ZNF536: variants seen among roughly 807,000 people sequenced by gnomAD.
ZNF536 encodes the protein zinc finger protein 536.
A neutral mutation model predicts 84.5 loss-of-function variants in ZNF536; 13 were observed. The ratio of observed to expected loss-of-function variants is 0.15; its 90% CI spans 0.10 to 0.24. The LOEUF is 0.24. ZNF536 is among the 10% of genes least tolerant of loss of function. ZNF536 has a pLI of 1.00. For synonymous variants in ZNF536, 811 were observed against 742.5 expected, an observed-to-expected ratio of 1.09 and a Z score of -1.50; for missense variants, 1,536 against 1,747.5, an observed-to-expected ratio of 0.88 and a Z score of 2.16.
At chr19:30,278,287 G>A (rs1372697129) in intron 1 of ZNF536, among the ~76,000 whole-genome samples, 3 of 152,170 alleles carry the variant, frequency 2.0e-5, no homozygotes, top group African/African-American at 7.2e-5. Context: ...GGGCTGGGAG[G>A]GTTTGAATTG....
At chr19:30,510,185 A>G (rs73022884) in intron 2 of ZNF536, among the ~76,000 whole-genome samples, 14,704 of 152,234 alleles carry the variant, frequency 0.097, 972 homozygotes, top group Non-Finnish European at 0.15. Flanking sequence ...TCCGATTACT[A>G]ACTATGCAGC....
intron 1 of ZNF536, among the ~76,000 whole-genome samples, chr19:30,660,458 T>C (rs2050085233): frequency 6.6e-6 from 1 of 152,200 alleles, no homozygotes; most frequent in African/African-American, 2.4e-5. Context: ...ATATGTATCA[T>C]TTCATTTCCG....
chr19:30,268,816 T>C (rs2025661965), intron 1 of ZNF536, among the ~76,000 whole-genome samples: 1 of 152,204 alleles, frequency 6.6e-6, no homozygotes, highest in Non-Finnish European at 1.5e-5. Flanking sequence ...TCTGTGCTTC[T>C]GCAAGCCGGA....
intron 2 of ZNF536, among the ~76,000 whole-genome samples, chr19:30,351,475 A>G (rs1010447883): frequency 5.3e-5 from 8 of 152,256 alleles, no homozygotes; most frequent in African/African-American, 1.9e-4. Context: ...TATAGCATTC[A>G]TATGTTAATG....
At chr19:30,423,869 G>A (rs1364303802) in intron 1 of ZNF536, among the ~76,000 whole-genome samples, 1 of 152,266 alleles carries the variant, frequency 6.6e-6, no homozygotes, top group East Asian at 1.9e-4. Flanking sequence ...GGGTGGATAA[G>A]TAGTAATATG....
intron 3 of ZNF536, among the ~76,000 whole-genome samples, chr19:30,536,249 A>G (rs986043534): frequency 1.3e-5 from 2 of 152,046 alleles, no homozygotes; most frequent in Non-Finnish European, 2.9e-5. Flanking sequence ...TCCAATGCAG[A>G]ATGCCTGTTC....
intron 2 of ZNF536, among the ~76,000 whole-genome samples, chr19:30,291,615 G>A (rs1230448984): frequency 8.5e-5 from 13 of 152,214 alleles, no homozygotes; most frequent in Middle Eastern, 3.4e-3. Flanking sequence ...GTGGAATTGC[G>A]GGATCTATGG....
chr19:30,403,462 G>A (rs1482840937), intron 1 of ZNF536, among the ~76,000 whole-genome samples: 2 of 152,186 alleles, frequency 1.3e-5, no homozygotes, highest in Admixed American at 6.5e-5. Context: ...AACTGTCATC[G>A]TTGTGGCATT....
intron 2 of ZNF536, among the ~76,000 whole-genome samples, chr19:30,455,417 T>C (rs1479992863): frequency 6.6e-6 from 1 of 152,158 alleles, no homozygotes; most frequent in Non-Finnish European, 1.5e-5. Flanking sequence ...TAAATATTTA[T>C]CTTGGCTGGA....
intron 1 of ZNF536, among the ~76,000 whole-genome samples, chr19:30,232,310 G>A (rs1458400355): frequency 2.0e-5 from 3 of 152,108 alleles, no homozygotes; most frequent in Non-Finnish European, 4.4e-5. Flanking sequence ...TTAGCTTCAG[G>A]GGGTACATGT....
chr19:30,227,833 G>A (rs1223598457), upstream of ZNF536, among the ~76,000 whole-genome samples: 2 of 151,922 alleles, frequency 1.3e-5, no homozygotes, highest in African/African-American at 4.8e-5. Context: ...CAGCCCGAGC[G>A]GGCCGCCGGG....
chr19:30,515,304 G>T (rs2055589770), intron 2 of ZNF536, among the ~76,000 whole-genome samples: 1 of 152,144 alleles, frequency 6.6e-6, no homozygotes, highest in African/African-American at 2.4e-5. Context: ...GCCCCAAAGG[G>T]CTGTTGTGAG....
chr19:30,519,221 C>G (rs1019584647), intron 2 of ZNF536, among the ~76,000 whole-genome samples: 63 of 152,348 alleles, frequency 4.1e-4, no homozygotes, highest in African/African-American at 1.3e-3. Flanking sequence ...CAGCCCAGCT[C>G]TGGGGTGGGG....
At position 30,543,412 on chromosome 19, in the gene ZNF536, G is replaced by GC. The variant is rs2045412451; in HGVS notation, c.2324-4530dup. The stretch of plus-strand genomic sequence containing the variant: ...ATCACTCAACTAGACAGAGCTGCTG[G>GC]CAGGGTCTGGGGCTGCCTGTACCAT... On this transcript the variant is annotated intron_variant, in intron 3 of 4. Transcript: ENST00000355537. 3.9e-5 allele frequency among the ~76,000 whole-genome samples: 6 copies of GC among 152,322 alleles called. No homozygotes were observed. The East Asian group carries it at 1.2e-3, about 29-fold the overall frequency.
At chr19:30,566,487 T>C (rs2046350581) in intron 1 of ZNF536, among the ~76,000 whole-genome samples, 2 of 152,234 alleles carry the variant, frequency 1.3e-5, no homozygotes, top group Admixed American at 6.5e-5. Context: ...CCCAAGGATG[T>C]GGATGGAGTA....
At chr19:30,370,494 C>T (rs373909152), upstream of ZNF536, among the ~76,000 whole-genome samples, 19 of 152,214 alleles carry the variant, frequency 1.2e-4, no homozygotes, top group East Asian at 1.4e-3. Context: ...GGATTGCTGG[C>T]GGAACACTAT....
chr19:30,660,388 C>T (rs2050082183), intron 1 of ZNF536, among the ~76,000 whole-genome samples: 1 of 152,188 alleles, frequency 6.6e-6, no homozygotes, highest in African/African-American at 2.4e-5. Flanking sequence ...GTTGACACCC[C>T]TGGTTCTACA....
chr19:30,414,326 C>G (rs1033393401), intron 1 of ZNF536, among the ~76,000 whole-genome samples: 1 of 151,916 alleles, frequency 6.6e-6, no homozygotes, highest in African/African-American at 2.4e-5. Context: ...ATTTGAAATT[C>G]TTTCTTTTTT....
At chr19:30,703,933 G>A (rs1341574589) in intron 1 of ZNF536, among the ~76,000 whole-genome samples, 3 of 152,124 alleles carry the variant, frequency 2.0e-5, no homozygotes, top group African/African-American at 7.2e-5. Context: ...TGAAGTTCAG[G>A]GTGCTAGTAG....
Sources: allele counts gnomAD v4.1 joint callset (sites outside exome capture counted in the v4.1 genomes callset), GRCh38; gene constraint gnomAD v4.1.1; transcripts MANE v1.5; gene names NCBI Gene and HGNC (gene_info 2026-07-23, HGNC 2026-07-21).